DPH6: variants seen among roughly 807,000 people sequenced by gnomAD.
The protein encoded by DPH6 is diphthine--ammonia ligase.
A neutral mutation model predicts 38.2 loss-of-function variants in DPH6; 33 were observed. The ratio of observed to expected loss-of-function variants is 0.86; its 90% CI spans 0.65 to 1.15. DPH6 has a LOEUF of 1.15. Among genes scored for constraint, DPH6 ranks in the 50% most tolerant of loss-of-function variants. DPH6 has a pLI of 0.00. For missense variants in DPH6, 325 were observed against 320.0 expected (o/e 1.02, Z -0.12); for synonymous variants, 108 against 103.0 (o/e 1.05, Z -0.30).
the DPH6 span, among the ~76,000 whole-genome samples, chr15:35,182,618 T>C: frequency 6.6e-6 from 1 of 152,140 alleles, no homozygotes; most frequent in Non-Finnish European, 1.5e-5. Context: ...TTTTAGAAAG[T>C]TGAAGTGAGG....
intron 3 of DPH6, among the ~76,000 whole-genome samples, chr15:35,305,152 CTTG>C (rs2052079514): frequency 6.6e-6 from 1 of 152,066 alleles, no homozygotes; most frequent in Non-Finnish European, 1.5e-5. Flanking sequence ...AGTAAGTAAA[CTTG>C]TTGTCTCAAG....
At chr15:35,181,016 A>G in the DPH6 span, among the ~76,000 whole-genome samples, 1 of 152,222 alleles carries the variant, frequency 6.6e-6, no homozygotes, top group Non-Finnish European at 1.5e-5. Context: ...TCTCTCAGTT[A>G]CTACTCCCAC....
rs556556556 is a variant in DPH6 at position 35,441,106 on chromosome 15, T to A, written c.505+9579A>T. On this transcript the variant is annotated intron_variant, in intron 5 of 8. Transcript: ENST00000256538. ...AGAGAAATGCAAATCAAAACCACAA[T>A]GAGATACCATCTCATGCCAGTTAGA... 7.2e-5 allele frequency among the ~76,000 whole-genome samples: 11 copies of A among 152,248 alleles called. 1 individual carries two copies. Among genetic ancestry groups the A allele is most frequent in the East Asian group, 5.8e-4 (3 of 5,182 alleles).
At chr15:35,439,461 C>G (rs2053758818) in intron 5 of DPH6, among the ~76,000 whole-genome samples, 1 of 152,176 alleles carries the variant, frequency 6.6e-6, no homozygotes, top group Admixed American at 6.5e-5. Context: ...TGCATCAGTG[C>G]AATAAGAATC....
intron 3 of DPH6, among the ~76,000 whole-genome samples, chr15:35,481,278 C>T (rs886292225): frequency 2.0e-5 from 3 of 152,186 alleles, no homozygotes; most frequent in Non-Finnish European, 2.9e-5. Flanking sequence ...CAAAGCAACA[C>T]ATTGCCCTGC....
the DPH6 span, among the ~76,000 whole-genome samples, chr15:35,194,162 T>C: frequency 6.6e-6 from 1 of 152,162 alleles, no homozygotes; most frequent in Non-Finnish European, 1.5e-5. Flanking sequence ...CCCTCTAGGA[T>C]TCATTTTTAT....
chr15:35,470,953 A>G (rs896354570), intron 3 of DPH6, among the ~76,000 whole-genome samples: 5 of 152,216 alleles, frequency 3.3e-5, no homozygotes, highest in African/African-American at 1.2e-4. Flanking sequence ...TACATAACTT[A>G]AAGTGAATTA....
At chr15:35,273,948 G>A (rs1431328125) in intron 3 of DPH6, among the ~76,000 whole-genome samples, 1 of 152,114 alleles carries the variant, frequency 6.6e-6, no homozygotes, top group South Asian at 2.1e-4. Context: ...GTATAGCCAA[G>A]ACAATCCTAA....
At chr15:35,529,356 A>T (rs968215741) in intron 3 of DPH6, among the ~76,000 whole-genome samples, 1 of 152,118 alleles carries the variant, frequency 6.6e-6, no homozygotes, top group African/African-American at 2.4e-5. Flanking sequence ...TCAAACAACA[A>T]GATCTCAGGA....
At chr15:35,237,976 TGAG>T in intron 3 of DPH6, 1 of 1,439,984 alleles carries the variant, frequency 6.9e-7, no homozygotes, top group Non-Finnish European at 9.8e-7. Flanking sequence ...AGGTTGATGA[TGAG>T]GAAGATGAAG....
intron 3 of DPH6, among the ~76,000 whole-genome samples, chr15:35,252,265 T>C (rs2051680095): frequency 1.3e-5 from 2 of 152,120 alleles, no homozygotes; most frequent in Admixed American, 1.3e-4. Flanking sequence ...CACTTATAGA[T>C]GAAAAAATTG....
downstream of DPH6, among the ~76,000 whole-genome samples, chr15:35,214,449 G>C (rs902396495): frequency 1.1e-4 from 17 of 152,036 alleles, no homozygotes; most frequent in Non-Finnish European, 7.4e-5. Context: ...CAAAACCTTG[G>C]AATCTTCCTC....
chr15:35,182,273 A>C, the DPH6 span, among the ~76,000 whole-genome samples: 1 of 134,166 alleles, frequency 7.5e-6, no homozygotes, highest in Non-Finnish European at 1.6e-5. Flanking sequence ...AAGGCCAAAA[A>C]CCCTGAGAAA....
chr15:35,390,359 T>G (rs2053036692), intron 6 of DPH6, among the ~76,000 whole-genome samples: 1 of 152,210 alleles, frequency 6.6e-6, no homozygotes, highest in Admixed American at 6.5e-5. Context: ...TGTGGTGTTC[T>G]CTGTATTTCC....
chr15:35,414,323 G>C (rs543558332), intron 5 of DPH6, among the ~76,000 whole-genome samples: 9 of 151,748 alleles, frequency 5.9e-5, no homozygotes, highest in African/African-American at 2.2e-4. Context: ...TGTTCCTAAT[G>C]AAAATTATGA....
chr15:35,184,433 G>C, the DPH6 span, among the ~76,000 whole-genome samples: 1 of 152,066 alleles, frequency 6.6e-6, no homozygotes, highest in African/African-American at 2.4e-5. Flanking sequence ...AATAGGATTG[G>C]CCTCAAAGCC....
intron 3 of DPH6, among the ~76,000 whole-genome samples, chr15:35,277,506 A>G (rs1477405255): frequency 6.6e-6 from 1 of 152,168 alleles, no homozygotes; most frequent in Non-Finnish European, 1.5e-5. Context: ...GGAGTGGGGT[A>G]TTATTATAAA....
At chr15:35,314,337 A>AT (rs1235939630) in intron 3 of DPH6, among the ~76,000 whole-genome samples, 3 of 151,786 alleles carry the variant, frequency 2.0e-5, no homozygotes, top group Non-Finnish European at 4.4e-5. Context: ...CATATTTCTC[A>AT]TTTTTTTTGC....
intron 3 of DPH6, among the ~76,000 whole-genome samples, chr15:35,478,751 T>C (rs2054292799): frequency 6.6e-6 from 1 of 151,954 alleles, no homozygotes; most frequent in Non-Finnish European, 1.5e-5. Flanking sequence ...TTTGCAATAT[T>C]ACCAGTTAAA....
Sources: allele counts gnomAD v4.1 joint callset (sites outside exome capture counted in the v4.1 genomes callset), GRCh38; gene constraint gnomAD v4.1.1; transcripts MANE v1.5; gene names NCBI Gene and HGNC (gene_info 2026-07-23, HGNC 2026-07-21).